ZNF385B: variants seen among roughly 807,000 people sequenced by gnomAD.
The protein encoded by ZNF385B is zinc finger protein 385B.
ZNF385B carries 23 observed loss-of-function variants against 39.2 expected under a neutral mutation model. The ratio of observed to expected loss-of-function variants is 0.59; its 90% confidence interval spans 0.42 to 0.83. The LOEUF is 0.83. ZNF385B is among the 40% of genes least tolerant of loss of function. ZNF385B has a pLI of 0.00. For missense variants in ZNF385B, 552 were observed against 598.9 expected, an observed-to-expected ratio of 0.92 and a Z score of 0.82; for synonymous variants, 205 against 222.6, an observed-to-expected ratio of 0.92 and a Z score of 0.70.
intron 3 of ZNF385B, among the ~76,000 whole-genome samples, chr2:179,712,906 A>C (rs527955735): frequency 3.3e-5 from 5 of 152,276 alleles, no homozygotes; most frequent in African/African-American, 1.2e-4. Flanking sequence ...TAAAAGTCAT[A>C]CTTCAAATTT....
At chr2:179,704,169 G>A (rs904265751) in intron 3 of ZNF385B, among the ~76,000 whole-genome samples, 1 of 152,088 alleles carries the variant, frequency 6.6e-6, no homozygotes, top group Non-Finnish European at 1.5e-5. Context: ...AATAAATCAT[G>A]ATAAAGCCCT....
chr2:179,618,886 T>C (rs1178632652), intron 3 of ZNF385B, among the ~76,000 whole-genome samples: 2 of 152,312 alleles, frequency 1.3e-5, no homozygotes, highest in African/African-American at 4.8e-5. Flanking sequence ...CTACTTACAA[T>C]AGACACAGTT....
rs144983087 is a variant in ZNF385B, at chr2:179,805,071, G to A, written c.-154-34399C>T. Among the ~76,000 whole-genome samples the A allele has an allele frequency of 4.9e-4, 75 of 152,282 alleles. 1 individual carries two copies. The highest frequency in any genetic ancestry group is 1.7e-3 in the African/African-American group (70 of 41,568). ...GGACTGGCTTGGACTACAGAATGAG[G>A]TGAAAGTGATATCCTGGAACTCTCA... On this transcript the variant is annotated intron_variant, in intron 1 of 9. Coordinates refer to ENST00000410066, the MANE Select transcript of ZNF385B (RefSeq NM_152520.6).
At chr2:179,661,716 C>A (rs1004925935) in intron 3 of ZNF385B, among the ~76,000 whole-genome samples, 4 of 152,174 alleles carry the variant, frequency 2.6e-5, no homozygotes, top group Admixed American at 1.3e-4. Context: ...ATTTTCACAG[C>A]TCTAAATCAG....
intron 3 of ZNF385B, among the ~76,000 whole-genome samples, chr2:179,754,832 A>C (rs1702906646): frequency 6.6e-6 from 1 of 151,412 alleles, no homozygotes; most frequent in Non-Finnish European, 1.5e-5. Flanking sequence ...TTTCTTCTTT[A>C]TTAGTCTTGC....
intron 3 of ZNF385B, among the ~76,000 whole-genome samples, chr2:179,573,411 G>A (rs892083909): frequency 2.6e-5 from 4 of 151,930 alleles, no homozygotes; most frequent in Admixed American, 2.6e-4. Context: ...AATACTTTGT[G>A]AGGCCAGCAG....
intron 3 of ZNF385B, among the ~76,000 whole-genome samples, chr2:179,610,735 T>G (rs896173047): frequency 6.6e-6 from 1 of 152,144 alleles, no homozygotes; most frequent in Non-Finnish European, 1.5e-5. Flanking sequence ...CTCTTCAATG[T>G]TGTATAGTTT....
rs533496542 is a variant in ZNF385B, at chr2:179,635,538, T to A, written c.299-90569A>T. On this transcript the variant is annotated intron_variant, in intron 3 of 9. Transcript: ENST00000410066. Reference sequence around the variant, plus strand: ...CCTAGAACTTAAAGTATAATAATAATAAAAAAAGAAAATTAACATGAAATC... The same window carrying A: ...CCTAGAACTTAAAGTATAATAATAAAAAAAAAAGAAAATTAACATGAAATC... Among the ~76,000 whole-genome samples, 3 of 151,204 alleles carry A rather than the reference T, an allele frequency of 2.0e-5. No individual in the cohort carries two copies. The East Asian group carries it at 5.8e-4, about 29-fold the overall frequency.
intron 1 of ZNF385B, chr2:179,814,280 C>T: frequency 4.3e-6 from 1 of 234,130 alleles, no homozygotes; most frequent in Non-Finnish European, 8.7e-6. Context: ...ACCTCCACAG[C>T]AGCTGGCAGG....
At chr2:179,467,916 C>T (rs1002738652) in intron 6 of ZNF385B, among the ~76,000 whole-genome samples, 2 of 152,190 alleles carry the variant, frequency 1.3e-5, no homozygotes, top group Non-Finnish European at 2.9e-5. Context: ...ATCATACTCA[C>T]ATCTTCTGGT....
intron 3 of ZNF385B, among the ~76,000 whole-genome samples, chr2:179,672,350 T>C (rs571004699): frequency 1.3e-5 from 2 of 152,352 alleles, no homozygotes; most frequent in South Asian, 2.1e-4. Context: ...GAATAAATCA[T>C]ACCTTAAGTC....
chr2:179,672,560 T>C (rs1012872744), intron 3 of ZNF385B, among the ~76,000 whole-genome samples: 2 of 152,122 alleles, frequency 1.3e-5, no homozygotes, highest in Non-Finnish European at 2.9e-5. Context: ...CCAAATTTTA[T>C]GTTGAAATCC....
intron 3 of ZNF385B, among the ~76,000 whole-genome samples, chr2:179,638,945 T>G (rs1438878883): frequency 6.6e-6 from 1 of 151,770 alleles, no homozygotes; most frequent in Admixed American, 6.6e-5. Context: ...ATGGTCAGGG[T>G]CAGTGGCTCA....
chr2:179,660,950 C>T (rs1185266724), intron 3 of ZNF385B, among the ~76,000 whole-genome samples: 2 of 152,162 alleles, frequency 1.3e-5, no homozygotes, highest in Non-Finnish European at 2.9e-5. Flanking sequence ...TAGATACTAT[C>T]TTTTACTTGT....
At chr2:179,495,726 T>C (rs576643482) in intron 5 of ZNF385B, among the ~76,000 whole-genome samples, 47 of 152,262 alleles carry the variant, frequency 3.1e-4, no homozygotes, top group Non-Finnish European at 6.0e-4. Flanking sequence ...ATCCAGAGAA[T>C]CTTCCCAGAT....
At chr2:179,757,371 C>G (rs1703101356) in intron 3 of ZNF385B, among the ~76,000 whole-genome samples, 1 of 152,212 alleles carries the variant, frequency 6.6e-6, no homozygotes, top group Non-Finnish European at 1.5e-5. Flanking sequence ...CAGTCTGCCC[C>G]TACTGGGGGG....
intron 6 of ZNF385B, among the ~76,000 whole-genome samples, chr2:179,450,454 C>T (rs1274819277): frequency 4.6e-5 from 7 of 152,166 alleles, no homozygotes; most frequent in Non-Finnish European, 7.3e-5. Flanking sequence ...TGAACAGACA[C>T]TTCTCAAAAG....
chr2:179,504,482 C>T (rs990922775), intron 5 of ZNF385B, among the ~76,000 whole-genome samples: 9 of 152,130 alleles, frequency 5.9e-5, no homozygotes, highest in African/African-American at 2.2e-4. Context: ...CACCAGTTTA[C>T]AGTCCCACCA....
intron 1 of ZNF385B, among the ~76,000 whole-genome samples, chr2:179,779,045 T>C (rs1337011973): frequency 1.3e-5 from 2 of 152,230 alleles, no homozygotes; most frequent in African/African-American, 4.8e-5. Flanking sequence ...GCTGAGCTCT[T>C]AAATTGATTA....
Sources: allele counts gnomAD v4.1 joint callset (sites outside exome capture counted in the v4.1 genomes callset), GRCh38; gene constraint gnomAD v4.1.1; transcripts MANE v1.5; gene names NCBI Gene and HGNC (gene_info 2026-07-23, HGNC 2026-07-21).